SCAND3: variants seen among roughly 807,000 people sequenced by gnomAD.
SCAND3 encodes SCAN domain-containing protein 3.
the SCAND3 span, chr6:28,589,742 G>C: frequency 2.0e-5 from 3 of 151,900 alleles, no homozygotes; most frequent in Admixed American, 6.6e-5. Flanking sequence ...GGAGACAAAC[G>C]CTTCCTCAAA....
chr6:28,610,621 G>GT, the SCAND3 span, among the ~76,000 whole-genome samples: 1 of 152,208 alleles, frequency 6.6e-6, no homozygotes, highest in Admixed American at 6.5e-5. Context: ...ATCACAAGTA[G>GT]TTTATACTTT....
the SCAND3 span, among the ~76,000 whole-genome samples, chr6:28,584,726 G>A: frequency 1.3e-4 from 20 of 152,228 alleles, no homozygotes; most frequent in Admixed American, 2.6e-4. Flanking sequence ...TCTGAGCCAG[G>A]GGATGGCCTT....
chr6:28,571,977 T>A, the SCAND3 span: 14 of 1,613,856 alleles, frequency 8.7e-6, no homozygotes, highest in South Asian at 1.5e-4. Flanking sequence ...TTGATGACAA[T>A]GCTACCCTCA....
At chr6:28,606,491 A>G in the SCAND3 span, among the ~76,000 whole-genome samples, 1 of 152,062 alleles carries the variant, frequency 6.6e-6, no homozygotes, top group African/African-American at 2.4e-5. Context: ...GCCCTGCCTT[A>G]CCTAATTCAT....
the SCAND3 span, among the ~76,000 whole-genome samples, chr6:28,584,092 G>C: frequency 6.6e-6 from 1 of 152,168 alleles, no homozygotes; most frequent in East Asian, 1.9e-4. Flanking sequence ...TCAATAATAA[G>C]TTTAATGTTG....
At chr6:28,572,761 C>T in the SCAND3 span, 1 of 1,613,882 alleles carries the variant, frequency 6.2e-7, no homozygotes, top group South Asian at 1.1e-5. This position sits in a 1 kb window ranked among gnomAD's most constrained non-coding sequence, Gnocchi z 4.1. Flanking sequence ...CATATTATCA[C>T]ATAATAAAGA....
chr6:28,575,676 C>T, the SCAND3 span: 1 of 1,614,164 alleles, frequency 6.2e-7, no homozygotes, highest in Non-Finnish European at 8.5e-7. This position sits in a 1 kb window ranked among gnomAD's most constrained non-coding sequence, Gnocchi z 4.2. Context: ...TCAGATACAG[C>T]ATTATAACTT....
chr6:28,612,055 G>A, the SCAND3 span, among the ~76,000 whole-genome samples: 1 of 144,762 alleles, frequency 6.9e-6, no homozygotes, highest in Non-Finnish European at 1.5e-5. Context: ...TTTTTTTTTT[G>A]AGATGGAGTC....
At chr6:28,579,807 G>A in the SCAND3 span, among the ~76,000 whole-genome samples, 338 of 152,322 alleles carry the variant, frequency 2.2e-3, no homozygotes, top group African/African-American at 7.5e-3. The surrounding 1 kb of genome is among the most constrained non-coding windows in gnomAD (Gnocchi z 4.5). Context: ...AGCACTTTGG[G>A]AGGTCGAGGC....
the SCAND3 span, chr6:28,574,727 T>A: frequency 6.2e-7 from 1 of 1,614,142 alleles, no homozygotes; most frequent in Non-Finnish European, 8.5e-7. Flanking sequence ...CTTCTTTGAA[T>A]CTCATCATGT....
chr6:28,575,825 C>T, the SCAND3 span: 1 of 1,613,928 alleles, frequency 6.2e-7, no homozygotes, highest in Non-Finnish European at 8.5e-7. The surrounding 1 kb of genome is among the most constrained non-coding windows in gnomAD (Gnocchi z 4.2). Context: ...TTATCTGTTT[C>T]CCCATTTACA....
At chr6:28,613,429 C>A in the SCAND3 span, among the ~76,000 whole-genome samples, 1 of 152,172 alleles carries the variant, frequency 6.6e-6, no homozygotes, top group Non-Finnish European at 1.5e-5. Context: ...TTTCATATAA[C>A]TTTTCCACCA....
the SCAND3 span, among the ~76,000 whole-genome samples, chr6:28,607,122 C>G: frequency 1.3e-5 from 2 of 152,168 alleles, no homozygotes; most frequent in Admixed American, 1.3e-4. Context: ...GATTATAAAT[C>G]ATGAAAGAAA....
the SCAND3 span, chr6:28,579,143 A>G: frequency 1.2e-6 from 1 of 817,862 alleles, no homozygotes; most frequent in Non-Finnish European, 1.9e-6. This position sits in a 1 kb window ranked among gnomAD's most constrained non-coding sequence, Gnocchi z 4.5. Flanking sequence ...CACTATACTG[A>G]TTGGCTTTTC....
the SCAND3 span, chr6:28,572,014 CTA>C: frequency 3.1e-6 from 5 of 1,613,930 alleles, no homozygotes; most frequent in Non-Finnish European, 4.2e-6. The surrounding 1 kb of genome is among the most constrained non-coding windows in gnomAD (Gnocchi z 4.1). Context: ...TAAACTGTTT[CTA>C]TGTTTTGTTT....
At chr6:28,573,729 A>G in the SCAND3 span, 1 of 1,608,052 alleles carries the variant, frequency 6.2e-7, no homozygotes, top group Non-Finnish European at 8.5e-7. Flanking sequence ...CTTCTTCAGG[A>G]TAACTTCTAT....
the SCAND3 span, among the ~76,000 whole-genome samples, chr6:28,607,630 A>G: frequency 3.9e-5 from 6 of 151,954 alleles, no homozygotes; most frequent in Non-Finnish European, 8.8e-5. Context: ...TGAGCTTCCA[A>G]CCACCCTATA....
At chr6:28,597,595 A>G in the SCAND3 span, 1 of 152,248 alleles carries the variant, frequency 6.6e-6, no homozygotes, top group African/African-American at 2.4e-5. Flanking sequence ...AATGACACCT[A>G]GAGTGGTTCA....
the SCAND3 span, among the ~76,000 whole-genome samples, chr6:28,595,625 G>C: frequency 6.6e-6 from 1 of 151,982 alleles, no homozygotes; most frequent in Non-Finnish European, 1.5e-5. Context: ...GGGAGGCTGA[G>C]GCAGGAGGAT....
Sources: gnomAD v4.1 joint callset for allele counts (sites outside exome capture counted in the v4.1 genomes callset) on GRCh38, gnomAD v4.1.1 for gene constraint, Gnocchi (gnomAD v3.1) non-coding constraint, MANE v1.5 for transcripts, NCBI Gene and HGNC (gene_info 2026-07-23, HGNC 2026-07-21) for gene names.